Variants in PTK2 observed in about 807,000 individuals in gnomAD.
PTK2 encodes the protein focal adhesion kinase 1.
A neutral mutation model predicts 150.1 loss-of-function variants in PTK2; 45 were observed. That is an observed-to-expected ratio of 0.30 (90% CI 0.24 to 0.38). The LOEUF (loss-of-function observed/expected upper bound fraction) is 0.38, where lower values mean the gene tolerates loss of function less well. Among genes scored for constraint, PTK2 ranks in the 10% least tolerant of loss-of-function variants. The pLI, the probability that PTK2 is intolerant of heterozygous loss-of-function variation, is 1.00. For synonymous variants in PTK2, 432 were observed against 449.2 expected, an observed-to-expected ratio of 0.96 and a Z score of 0.48; for missense variants, 919 against 1,307.3, an observed-to-expected ratio of 0.70 and a Z score of 4.58.
intron 1 of PTK2, among the ~76,000 whole-genome samples, chr8:140,957,134 G>C (rs967150661): frequency 6.6e-6 from 1 of 151,992 alleles, no homozygotes; most frequent in Non-Finnish European, 1.5e-5. Context: ...CATAGAATAT[G>C]GATATAAAGA....
chr8:140,864,240 G>GAAAAT, intron 5 of PTK2, 72 bp downstream of exon 5: 1 of 899,306 alleles, frequency 1.1e-6, no homozygotes. Flanking sequence ...AATCAAATTT[G>GAAAAT]AAAATAAAAA....
intron 31 of PTK2, chr8:140,663,133 T>C (rs888151785): frequency 5.4e-6 from 1 of 184,720 alleles, no homozygotes; most frequent in African/African-American, 2.3e-5. Context: ...TGTAGGACAA[T>C]GGCCTTGTTA....
chr8:140,789,567 C>G (rs750357553), intron 13 of PTK2, 41 bp from the exon 14 acceptor site: 2 of 1,595,068 alleles, frequency 1.3e-6, no homozygotes, highest in Admixed American at 3.5e-5. Context: ...CTGCAATTTC[C>G]CCAGGACCCC....
chr8:140,722,549 T>TGAGCCACCATGCCCAGCCCC (rs1331084919), intron 22 of PTK2, among the ~76,000 whole-genome samples: 1 of 152,222 alleles, frequency 6.6e-6, no homozygotes, highest in Non-Finnish European at 1.5e-5. Context: ...ATTACAGATG[T>TGAGCCACCATGCCCAGCCCC]GAGCCACCAT....
chr8:140,820,076 GTTTTTTTTTTTTTTTTTTTTTTTTTTTTT>G (rs370537018), intron 8 of PTK2, among the ~76,000 whole-genome samples: 6 of 50,194 alleles, frequency 1.2e-4, no homozygotes, highest in East Asian at 6.4e-4. Flanking sequence ...TCTGACTTTG[GTTTTTTTTTTTTTTTTTTTTTTTTTTTTT>G]TTTTTTTTTT....
chr8:140,847,511 T>C (rs1334196978), intron 5 of PTK2, among the ~76,000 whole-genome samples: 4 of 152,178 alleles, frequency 2.6e-5, no homozygotes, highest in South Asian at 4.1e-4. Flanking sequence ...AAATCTGCAA[T>C]TGATTTTGAT....
At chr8:140,970,231 T>A (rs1191228894) in intron 1 of PTK2, among the ~76,000 whole-genome samples, 1 of 152,230 alleles carries the variant, frequency 6.6e-6, no homozygotes, top group Non-Finnish European at 1.5e-5. Flanking sequence ...CCAACAGTAG[T>A]GAAGGACTAT....
chr8:140,945,068 TGTC>T (rs2100177219), intron 1 of PTK2, among the ~76,000 whole-genome samples: 2 of 152,228 alleles, frequency 1.3e-5, no homozygotes, highest in African/African-American at 2.4e-5. Context: ...AATTTCCTGT[TGTC>T]GTTCATCTTG....
chr8:140,698,236 T>C (rs2100028028), intron 26 of PTK2, among the ~76,000 whole-genome samples: 1 of 152,154 alleles, frequency 6.6e-6, no homozygotes, highest in African/African-American at 2.4e-5. Context: ...AAACCCTTTG[T>C]CCAAATGCAG....
chr8:140,873,151 T>C (rs1402887211), intron 4 of PTK2, among the ~76,000 whole-genome samples: 1 of 152,224 alleles, frequency 6.6e-6, no homozygotes, highest in Non-Finnish European at 1.5e-5. Flanking sequence ...TGCAGGATGG[T>C]AGGGCATGTA....
chr8:140,925,214 G>T (rs1366026664), intron 2 of PTK2, among the ~76,000 whole-genome samples: 1 of 151,936 alleles, frequency 6.6e-6, no homozygotes, highest in Non-Finnish European at 1.5e-5. Context: ...TCAACAGGAG[G>T]AATGTAAAAA....
intron 27 of PTK2, among the ~76,000 whole-genome samples, chr8:140,683,405 T>G (rs116109058): frequency 0.021 from 3,151 of 152,248 alleles, 124 homozygotes; most frequent in African/African-American, 0.067. Context: ...GGCTTCACAG[T>G]TGAATTTTAA....
At position 140,864,350 on chromosome 8, in the gene PTK2, T is replaced by C. The variant is rs369173327; in HGVS notation, c.412A>G (p.Thr138Ala). 1.1e-5 allele frequency: 17 copies of C among 1,601,958 alleles called. No individual in the cohort carries two copies. In the African/African-American group the frequency reaches 1.9e-4, roughly 18 times the overall value. ...AAATTCAAAGTTGGCTTATCTTCAGTAAACTGGTTTAGAAATCCTTTTGGC... is the reference window on the plus strand; with the variant it reads ...AAATTCAAAGTTGGCTTATCTTCAGCAAACTGGTTTAGAAATCCTTTTGGC... The change falls in exon 5 of 32, where the codon ACT (threonine) becomes GCT (alanine). Residue 138 changes from threonine (T) to alanine (A), a missense_variant. Physicochemically the swap from Thr to Ala is moderately conservative, Grantham distance 58. This residue lies in a region of PTK2 where 555 missense variants were observed against 880.1 expected (regional missense o/e 0.63). Transcript: ENST00000522684.
intron 20 of PTK2, among the ~76,000 whole-genome samples, chr8:140,741,228 G>A (rs1488320591): frequency 6.6e-6 from 1 of 151,922 alleles, no homozygotes; most frequent in Non-Finnish European, 1.5e-5. Context: ...GAGGTGGGCG[G>A]ATCATGAGGT....
chr8:140,708,845 A>C (rs1024446657), intron 23 of PTK2, among the ~76,000 whole-genome samples: 1 of 152,080 alleles, frequency 6.6e-6, no homozygotes, highest in Non-Finnish European at 1.5e-5. Context: ...TGATGGTTGC[A>C]GGGGAAAGGG....
chr8:140,814,989 T>G (rs956404114), intron 10 of PTK2, among the ~76,000 whole-genome samples: 1 of 152,174 alleles, frequency 6.6e-6, no homozygotes, highest in African/African-American at 2.4e-5. Context: ...TTAGCCAGGA[T>G]GGTCTCCATC....
intron 4 of PTK2, among the ~76,000 whole-genome samples, chr8:140,870,525 A>C (rs1202542712): frequency 6.6e-6 from 1 of 152,178 alleles, no homozygotes; most frequent in Non-Finnish European, 1.5e-5. Flanking sequence ...TAACTTAGTA[A>C]AGATGACACA....
intron 16 of PTK2, among the ~76,000 whole-genome samples, chr8:140,757,797 A>G (rs1006145114): frequency 2.0e-5 from 3 of 152,218 alleles, no homozygotes; most frequent in African/African-American, 7.2e-5. Flanking sequence ...ATTTTGGTCA[A>G]TGATGGACCA....
At chr8:140,967,108 C>T (rs1026413267) in intron 1 of PTK2, among the ~76,000 whole-genome samples, 3 of 152,180 alleles carry the variant, frequency 2.0e-5, no homozygotes, top group African/African-American at 7.2e-5. Flanking sequence ...ACTTTACATA[C>T]AAGGAAACAG....
Sources: gnomAD v4.1 joint callset for allele counts (sites outside exome capture counted in the v4.1 genomes callset) on GRCh38, gnomAD v4.1.1 for gene constraint, gnomAD v4.1.1 regional missense constraint, MANE v1.5 for transcripts, NCBI Gene and HGNC (gene_info 2026-07-23, HGNC 2026-07-21) for gene names.